The following FRS2 variants were observed in gnomAD, a reference collection of about 807,000 sequenced individuals.
The protein encoded by FRS2 is FGFR signalling adaptor.
FRS2 carries 8 observed loss-of-function variants against 43.9 expected under a neutral mutation model. That is an observed-to-expected ratio of 0.18 (90% CI 0.11 to 0.33). FRS2 has a LOEUF of 0.33. Ranked by LOEUF, FRS2 falls within the 10% of genes least tolerant of loss-of-function variation. The probability of loss-of-function intolerance (pLI) is 1.00; values close to 1 mark genes in which losing one functional copy is unlikely to be tolerated. For synonymous variants in FRS2, 219 were observed against 220.3 expected (o/e 0.99, Z 0.05); for missense variants, 534 against 627.6 (o/e 0.85, Z 1.59).
At chr12:69,550,660 G>A (rs888000589) in intron 3 of FRS2, among the ~76,000 whole-genome samples, 3 of 152,208 alleles carry the variant, frequency 2.0e-5, no homozygotes, top group Non-Finnish European at 4.4e-5. Flanking sequence ...AGTACATTTA[G>A]ATAGCAGAGA....
intron 1 of FRS2, among the ~76,000 whole-genome samples, chr12:69,492,425 G>A (rs1301140321): frequency 6.6e-6 from 1 of 152,180 alleles, no homozygotes; most frequent in Non-Finnish European, 1.5e-5. Flanking sequence ...TGAAGGAGAT[G>A]ATGGAGAGGG....
chr12:69,565,195 A>G (rs1880187844), intron 4 of FRS2, among the ~76,000 whole-genome samples: 1 of 152,234 alleles, frequency 6.6e-6, no homozygotes, highest in Non-Finnish European at 1.5e-5. Flanking sequence ...AAGTATCTGC[A>G]TTTCTAAACA....
intron 1 of FRS2, among the ~76,000 whole-genome samples, chr12:69,505,642 A>G (rs1873860221): frequency 6.6e-6 from 1 of 152,234 alleles, no homozygotes; most frequent in Non-Finnish European, 1.5e-5. Context: ...GAGGACAGAT[A>G]GCATCTCATT....
At position 69,481,372 on chromosome 12, in the gene FRS2, C is replaced by G. The variant is rs553169342; in HGVS notation, c.-261+10842C>G. Among the ~76,000 whole-genome samples, 10 of 151,642 alleles carry G rather than the reference C, an allele frequency of 6.6e-5. No individual in the cohort carries two copies. In the South Asian group the frequency reaches 1.0e-3, roughly 16 times the overall value. On this transcript the variant is annotated intron_variant, in intron 1 of 8. Transcript: ENST00000549921. ...CACAACTCATTACAACCTTGAACTC[C>G]TAGGCTCAAGAGATACTCATGCCTC...
intron 1 of FRS2, among the ~76,000 whole-genome samples, chr12:69,488,483 T>C (rs180778110): frequency 2.0e-5 from 3 of 152,354 alleles, no homozygotes; most frequent in Admixed American, 2.0e-4. Flanking sequence ...CTTAATAGAC[T>C]ACGGTACAGT....
At chr12:69,530,603 C>G (rs149798552) in intron 1 of FRS2, among the ~76,000 whole-genome samples, 1 of 151,878 alleles carries the variant, frequency 6.6e-6, no homozygotes, top group Non-Finnish European at 1.5e-5. Flanking sequence ...ATTGGCTGGC[C>G]GTGGTGGCAT....
intron 1 of FRS2, among the ~76,000 whole-genome samples, chr12:69,498,460 G>C (rs7132407): frequency 6.6e-6 from 1 of 151,540 alleles, no homozygotes; most frequent in African/African-American, 2.4e-5. Context: ...TGCGGCCCAG[G>C]ATGGCTTTGA....
intron 1 of FRS2, among the ~76,000 whole-genome samples, chr12:69,500,674 CTG>C (rs1873359029): frequency 6.6e-6 from 1 of 152,108 alleles, no homozygotes; most frequent in Non-Finnish European, 1.5e-5. Context: ...GTGAATTAGA[CTG>C]TCATCTTTTT....
At chr12:69,494,394 A>G (rs1872708873) in intron 1 of FRS2, among the ~76,000 whole-genome samples, 1 of 152,170 alleles carries the variant, frequency 6.6e-6, no homozygotes, top group Non-Finnish European at 1.5e-5. Flanking sequence ...GCAATCTTTC[A>G]GTATAAGCAT....
intron 1 of FRS2, among the ~76,000 whole-genome samples, chr12:69,524,353 G>A (rs1202817342): frequency 6.6e-6 from 1 of 152,104 alleles, no homozygotes; most frequent in Non-Finnish European, 1.5e-5. Flanking sequence ...GTGAGGGGTT[G>A]CTGTGGGCTA....
intron 1 of FRS2, among the ~76,000 whole-genome samples, chr12:69,488,217 A>G (rs1243839901): frequency 1.3e-5 from 2 of 152,208 alleles, no homozygotes; most frequent in Non-Finnish European, 2.9e-5. Flanking sequence ...TTAGCACCAC[A>G]TGCTACAGAG....
chr12:69,485,821 AT>A (rs1342023773), intron 1 of FRS2, among the ~76,000 whole-genome samples: 2 of 151,858 alleles, frequency 1.3e-5, no homozygotes, highest in Non-Finnish European at 2.9e-5. Flanking sequence ...ACTTAAGTGC[AT>A]TTTTTTTCAG....
chr12:69,517,706 G>A (rs534135248), intron 1 of FRS2, among the ~76,000 whole-genome samples: 7 of 151,908 alleles, frequency 4.6e-5, no homozygotes, highest in African/African-American at 7.3e-5. Flanking sequence ...CATTGCTGTC[G>A]GTTCTGATTC....
rs554303061 is a variant in FRS2, at chr12:69,577,638, A to G, written c.*2683A>G. On this transcript the variant is annotated 3_prime_UTR_variant, in exon 9 of 9. Coordinates refer to ENST00000549921, the MANE Select transcript of FRS2 (RefSeq NM_001278356.2). The stretch of plus-strand genomic sequence containing the variant: ...ATCCATACAAATCATAACAGCATCT[A>G]TCCCATGCTAGGGTTGGAAACTGAT... The G allele has an allele frequency of 3.3e-5, 5 of 152,736 alleles. No homozygotes were observed. Among genetic ancestry groups the G allele is most frequent in the South Asian group, 2.1e-4 (1 of 4,830 alleles). The allele number at this position is 152,736 out of a possible 1,614,324, so 9.5% of individuals were successfully genotyped here.
intron 8 of FRS2, among the ~76,000 whole-genome samples, chr12:69,572,604 T>C (rs982207868): frequency 2.2e-4 from 34 of 152,218 alleles, no homozygotes; most frequent in African/African-American, 8.2e-4. Flanking sequence ...TTTCATATTT[T>C]AGCCATTATA....
In FRS2 at chr12:69,502,529, C is replaced by T. The variant is rs116265954; in HGVS notation, c.-260-28336C>T. Among the ~76,000 whole-genome samples, 1,437 of 152,094 alleles carry T rather than the reference C, an allele frequency of 9.4e-3. 25 individuals are homozygous for T. The highest frequency in any genetic ancestry group is 0.032 in the African/African-American group (1,325 of 41,502). On this transcript the variant is annotated intron_variant, in intron 1 of 8. Transcript: ENST00000549921. Reference sequence around the variant, plus strand: ...AATTATAGGTGTGAGTCACCATGCCCGGCCACTGTGATTTTTGGTTGATGA... The same window carrying T: ...AATTATAGGTGTGAGTCACCATGCCTGGCCACTGTGATTTTTGGTTGATGA...
chr12:69,515,107 G>T (rs1874861070), intron 1 of FRS2, among the ~76,000 whole-genome samples: 2 of 152,196 alleles, frequency 1.3e-5, no homozygotes, highest in Admixed American at 1.3e-4. Context: ...GCCCAAGATT[G>T]TACAGTTAGT....
intron 1 of FRS2, among the ~76,000 whole-genome samples, chr12:69,503,511 C>T (rs1163517972): frequency 2.0e-5 from 3 of 152,136 alleles, no homozygotes; most frequent in African/African-American, 7.2e-5. Flanking sequence ...TGACAGTCCC[C>T]ATTGCATGGC....
chr12:69,565,676 A>G (rs1339794867), intron 4 of FRS2, among the ~76,000 whole-genome samples: 1 of 152,140 alleles, frequency 6.6e-6, no homozygotes, highest in Non-Finnish European at 1.5e-5. Context: ...CAGGGTGAAA[A>G]TCATCCATAT....
Sources: gnomAD v4.1 joint callset for allele counts (sites outside exome capture counted in the v4.1 genomes callset) on GRCh38, gnomAD v4.1.1 for gene constraint, MANE v1.5 for transcripts, NCBI Gene and HGNC (gene_info 2026-07-23, HGNC 2026-07-21) for gene names.